The following CAMK2B variants were observed in gnomAD, a reference collection of about 807,000 sequenced individuals.
CAMK2B encodes calcium/calmodulin-dependent protein kinase type II subunit beta.
In CAMK2B, 27 loss-of-function variants were observed where a neutral mutation model predicts 93.7. The ratio of observed to expected loss-of-function variants is 0.29; its 90% CI spans 0.21 to 0.40. The LOEUF (loss-of-function observed/expected upper bound fraction) is 0.40. Among genes scored for constraint, CAMK2B ranks in the 10% least tolerant of loss-of-function variants. The pLI is 1.00. For synonymous variants in CAMK2B, 374 were observed against 358.8 expected (o/e 1.04, Z -0.48); for missense variants, 568 against 895.8 (o/e 0.63, Z 4.67).
chr7:44,313,136 C>G (rs1793987006), intron 1 of CAMK2B, among the ~76,000 whole-genome samples: 1 of 152,120 alleles, frequency 6.6e-6, no homozygotes, highest in African/African-American at 2.4e-5. Flanking sequence ...GGCATCCCAG[C>G]ACCCAGCCCA....
Position 44,220,177 on chromosome 7 carries a change from T to A in CAMK2B, c.1886A>T (p.Gln629Leu), listed in dbSNP as rs769734307. The change falls in exon 23 of 24, where the codon CAG (glutamine) becomes CTG (leucine). Residue 629 changes from glutamine to leucine, a missense_variant. Physicochemically the swap from Gln to Leu is moderately radical, Grantham distance 113. Coordinates refer to ENST00000395749, the MANE Select transcript of CAMK2B (RefSeq NM_001220.5). ...YIRLTQYIDGQGRPRTSQSEE... is the reference protein window; with the variant it reads ...YIRLTQYIDGLGRPRTSQSEE... ...AGACTGGCTGGTGCGGGGCCGGCCCTGCCCGTCAATGTACTGCGTGAGCCG... is the reference window on the plus strand; with the variant it reads ...AGACTGGCTGGTGCGGGGCCGGCCCAGCCCGTCAATGTACTGCGTGAGCCG... 1 of 1,612,580 alleles carries A rather than the reference T, an allele frequency of 6.2e-7. No homozygotes were observed. Among genetic ancestry groups the A allele is most frequent in the Non-Finnish European group, 8.5e-7 (1 of 1,179,912 alleles).
intron 1 of CAMK2B, among the ~76,000 whole-genome samples, chr7:44,304,725 G>A (rs1326661825): frequency 6.6e-6 from 1 of 152,200 alleles, no homozygotes; most frequent in Admixed American, 6.5e-5. Flanking sequence ...AACAGCAAGA[G>A]CAAACCCTAA....
chr7:44,226,580 G>T lies in CAMK2B; in HGVS notation c.1533C>A (p.Gly511=), dbSNP rs746905305. The change falls in exon 20 of 24, where the codon GGC becomes GGA. Residue 511 remains glycine (G), a synonymous_variant. Transcript: ENST00000395749. ...AGGGCGGGGGCCCCACTGGCGAGGG[G>T]CCCTCGGCTTCTGGGGTCCCTGAGC... ...RRGSGTPEAE[G]PSPVGPPPCP... 16 of 1,490,368 alleles carry T rather than the reference G, an allele frequency of 1.1e-5. No individual in the cohort carries two copies. The highest frequency in any genetic ancestry group is 2.9e-5 in the African/African-American group (2 of 67,958). The allele number at this position is 1,490,368 out of a possible 1,614,324, so 92.3% of individuals were successfully genotyped here.
At chr7:44,233,910 C>G (rs1202946813) in intron 15 of CAMK2B, among the ~76,000 whole-genome samples, 1 of 152,220 alleles carries the variant, frequency 6.6e-6, no homozygotes, top group Non-Finnish European at 1.5e-5. Flanking sequence ...CCCCATGGGC[C>G]GTGGAATGTG....
In CAMK2B at chr7:44,226,527, A is replaced by C. The variant is rs752168876; in HGVS notation, c.1586T>G (p.Leu529Arg). The C allele has an allele frequency of 2.2e-5, 32 of 1,449,578 alleles. No homozygotes were observed. The highest frequency in any genetic ancestry group is 2.7e-5 in the Non-Finnish European group (30 of 1,102,316). 89.8% of individuals were successfully genotyped at this position (1,449,578 alleles called of 1,614,324 possible). ...AAGGTGCTACTTACATGGGGTGGGC[A>C]GGGGGCCAGGGATAGTCGGAGATGG... is the stretch of plus-strand genomic sequence containing the variant. ...PCPSPTIPGP[L>R]PTPSRKQEII... Residue 529 changes from leucine to arginine, a missense_variant, in exon 20 of 24, where the codon CTG becomes CGG. By Grantham distance (102) the Leu-to-Arg change is moderately radical. Coordinates refer to ENST00000395749, the MANE Select transcript of CAMK2B (RefSeq NM_001220.5).
At chr7:44,232,390 A>G (rs1197664841) in intron 16 of CAMK2B, among the ~76,000 whole-genome samples, 1 of 152,170 alleles carries the variant, frequency 6.6e-6, no homozygotes, top group African/African-American at 2.4e-5. Flanking sequence ...GCTGATGGCC[A>G]GAGCAGAGAG....
intron 3 of CAMK2B, among the ~76,000 whole-genome samples, chr7:44,262,045 C>T (rs547104771): frequency 2.9e-4 from 44 of 152,352 alleles, no homozygotes; most frequent in Non-Finnish European, 3.7e-4. Context: ...GGGGCACCTG[C>T]CCCTCTGCCC....
chr7:44,234,528 G>A, intron 14 of CAMK2B, 67 bp from the exon 15 acceptor site: 1 of 1,583,120 alleles, frequency 6.3e-7, no homozygotes, highest in Non-Finnish European at 8.6e-7. Flanking sequence ...CCTGTCCCGT[G>A]TCTCTCAGGG....
chr7:44,273,396 C>T (rs2096993989), intron 2 of CAMK2B, among the ~76,000 whole-genome samples: 1 of 152,208 alleles, frequency 6.6e-6, no homozygotes, highest in African/African-American at 2.4e-5. Context: ...GACAGGACTC[C>T]CGTGCTCACA....
chr7:44,325,413 G>A lies in CAMK2B; in HGVS notation c.9C>T (p.Thr3=). The A allele has an allele frequency of 8.5e-7, 1 of 1,178,342 alleles. No individual in the cohort carries two copies. Among genetic ancestry groups the A allele is most frequent in the Non-Finnish European group, 1.1e-6 (1 of 930,622 alleles). 73.0% of individuals were successfully genotyped at this position (1,178,342 alleles called of 1,614,324 possible). A position where few individuals can be genotyped will look rare whatever the true frequency, so the allele number is the denominator to read the frequency against. The change falls in exon 1 of 24, where the codon ACC becomes ACT. Residue 3 remains threonine, a synonymous_variant. Coordinates refer to ENST00000395749, the MANE Select transcript of CAMK2B (RefSeq NM_001220.5). ...CGGTGAAGCGGGTGCAGGTCACCGT[G>A]GTGGCCATGGCGGCGGCGGACGGGC... MA[T]TVTCTRFTDE...
At chr7:44,229,600 G>C (rs757663537) in intron 17 of CAMK2B, 99 bp from the exon 18 acceptor site, 6 of 444,168 alleles carry the variant, frequency 1.4e-5, no homozygotes, top group African/African-American at 1.1e-4. Context: ...GAGGGAGGGG[G>C]TGACAGCTGG....
chr7:44,226,042 C>A, intron 20 of CAMK2B: 1 of 534,848 alleles, frequency 1.9e-6, no homozygotes, highest in South Asian at 1.9e-5. Context: ...CCGCGCCTCC[C>A]GATCCCCACC....
At chr7:44,262,953 T>A in intron 3 of CAMK2B, 52 bp downstream of exon 3, 2 of 1,483,502 alleles carry the variant, frequency 1.3e-6, no homozygotes, top group Non-Finnish European at 1.9e-6. Context: ...AATGGGCTGC[T>A]GTCCGGGAGA....
At chr7:44,257,716 A>G (rs2096846235) in intron 4 of CAMK2B, among the ~76,000 whole-genome samples, 1 of 152,268 alleles carries the variant, frequency 6.6e-6, no homozygotes, top group South Asian at 2.1e-4. Context: ...TGTCTTGTGG[A>G]ACATGCAGGG....
At chr7:44,261,960 C>G (rs1436840442) in intron 3 of CAMK2B, among the ~76,000 whole-genome samples, 1 of 152,150 alleles carries the variant, frequency 6.6e-6, no homozygotes, top group Non-Finnish European at 1.5e-5. Context: ...GAGAGCCCAC[C>G]TGGGGCTGCA....
At chr7:44,324,300 G>GAGGAGGATGGGGGAGGACGC (rs1179467121) in intron 1 of CAMK2B, among the ~76,000 whole-genome samples, 1 of 152,196 alleles carries the variant, frequency 6.6e-6, no homozygotes. Flanking sequence ...TGAAGGGACG[G>GAGGAGGATGGGGGAGGACGC]AGGAGGATGG....
At chr7:44,262,927 C>T in intron 3 of CAMK2B, 78 bp downstream of exon 3, 1 of 1,276,384 alleles carries the variant, frequency 7.8e-7, no homozygotes, top group Admixed American at 2.0e-5. Context: ...CTTTGAAAGT[C>T]TGATAGAGAA....
chr7:44,267,314 T>C (rs564677832), intron 2 of CAMK2B, among the ~76,000 whole-genome samples: 1 of 152,220 alleles, frequency 6.6e-6, no homozygotes, highest in African/African-American at 2.4e-5. Flanking sequence ...AGCAGAGTGA[T>C]GAGCAGAGTG....
chr7:44,284,621 A>G (rs1436447565), intron 1 of CAMK2B, among the ~76,000 whole-genome samples: 2 of 152,224 alleles, frequency 1.3e-5, no homozygotes, highest in African/African-American at 4.8e-5. Flanking sequence ...CAGGCCTCTC[A>G]GCAGGCATCC....
Sources: gnomAD v4.1 joint callset for allele counts (sites outside exome capture counted in the v4.1 genomes callset) on GRCh38, gnomAD v4.1.1 for gene constraint, MANE v1.5 for transcripts, NCBI Gene and HGNC (gene_info 2026-07-23, HGNC 2026-07-21) for gene names.